Variants in FAM83B observed in about 807,000 individuals in gnomAD.
FAM83B encodes scaffolding CK1 anchoring protein B.
In FAM83B, 26 loss-of-function variants were observed where a neutral mutation model predicts 38.8. That is an observed-to-expected ratio of 0.67 (90% CI 0.49 to 0.93). The LOEUF (loss-of-function observed/expected upper bound fraction) is 0.93. FAM83B is among the 40% of genes least tolerant of loss of function. The pLI is 0.00. For missense variants in FAM83B, 1,237 were observed against 1,197.3 expected (o/e 1.03, Z -0.49); for synonymous variants, 419 against 423.1 (o/e 0.99, Z 0.12).
intron 2 of FAM83B, 44 bp downstream of exon 2, chr6:54,870,734 GA>G (rs1318585818): frequency 4.7e-6 from 7 of 1,490,058 alleles, no homozygotes; most frequent in Non-Finnish European, 6.3e-6. Flanking sequence ...GAAACATGTA[GA>G]AAAGTAGAGA....
chr6:54,938,292 C>T (rs1282208873), intron 4 of FAM83B, among the ~76,000 whole-genome samples: 1 of 152,136 alleles, frequency 6.6e-6, no homozygotes, highest in Non-Finnish European at 1.5e-5. Flanking sequence ...AGGCTGGTTT[C>T]ATATTTTTGC....
At position 54,940,994 on chromosome 6, in the gene FAM83B, T is replaced by G. The variant is rs1251155103; in HGVS notation, c.2023T>G (p.Leu675Val). The stretch of plus-strand genomic sequence containing the variant: ...GTTATTTGACAACTCAAAAGCCAAC[T>G]TAGATCCTGGAAATAGTAAGCATTA... The part of the protein sequence containing the change: ...FPLFDNSKAN[L>V]DPGNSKHYVY... Residue 675 changes from leucine to valine, a missense_variant, in exon 5 of 5, where the codon TTA (leucine) becomes GTA (valine). Leu to Val is a conservative substitution (Grantham distance 32). Transcript: ENST00000306858. 6.2e-7 allele frequency: 1 copy of G among 1,613,948 alleles called. No homozygotes were observed. Among genetic ancestry groups the G allele is most frequent in the Admixed American group, 1.7e-5 (1 of 59,962 alleles).
chr6:54,920,534 T>C (rs1773144495), intron 2 of FAM83B, among the ~76,000 whole-genome samples: 1 of 151,912 alleles, frequency 6.6e-6, no homozygotes, highest in Admixed American at 6.6e-5. Context: ...CAAAAGCATA[T>C]TGCTAATAGC....
At position 54,940,527 on chromosome 6, in the gene FAM83B, G is replaced by A. The variant is rs749945909; in HGVS notation, c.1556G>A (p.Arg519Gln). 9.9e-6 allele frequency: 16 copies of A among 1,613,908 alleles called. No homozygotes were observed. Among genetic ancestry groups the A allele is most frequent in the Admixed American group, 1.7e-5 (1 of 59,958 alleles). ...TCAAATGGATCAGCTTTAGGTGACC[G>A]ATTTGAGGGCTATGATAATCCTGAG... The part of the protein sequence containing the change: ...PDSNGSALGD[R>Q]FEGYDNPENL... Residue 519 changes from arginine to glutamine, a missense_variant, in exon 5 of 5, where the codon CGA becomes CAA. Coordinates refer to ENST00000306858, the MANE Select transcript of FAM83B (RefSeq NM_001010872.3).
At chr6:54,873,348 C>A (rs62412657) in intron 2 of FAM83B, among the ~76,000 whole-genome samples, 1 of 151,912 alleles carries the variant, frequency 6.6e-6, no homozygotes. Context: ...AGTTATTGAC[C>A]CCATTTTTAA....
intron 2 of FAM83B, among the ~76,000 whole-genome samples, chr6:54,894,896 C>T (rs1772496051): frequency 6.6e-6 from 1 of 152,216 alleles, no homozygotes; most frequent in Admixed American, 6.5e-5. Flanking sequence ...AATCTCAGCT[C>T]TACCACTTAG....
chr6:54,848,247 C>A (rs1771188566), intron 1 of FAM83B, among the ~76,000 whole-genome samples: 2 of 152,154 alleles, frequency 1.3e-5, no homozygotes, highest in Admixed American at 6.5e-5. Flanking sequence ...AAGTAGAAGT[C>A]CCCACACCTT....
chr6:54,869,907 G>A (rs1395545319), intron 1 of FAM83B, among the ~76,000 whole-genome samples: 1 of 152,064 alleles, frequency 6.6e-6, no homozygotes, highest in Non-Finnish European at 1.5e-5. Flanking sequence ...TTAATGGCTG[G>A]GTAGGCATTG....
chr6:54,939,618 AT>A, intron 4 of FAM83B, 87 bp from the exon 5 acceptor site: 17 of 1,223,434 alleles, frequency 1.4e-5, no homozygotes, highest in Non-Finnish European at 1.5e-5. Flanking sequence ...GTACAAAAAC[AT>A]AGTCATTAAG....
intron 2 of FAM83B, among the ~76,000 whole-genome samples, chr6:54,923,506 A>G (rs939281063): frequency 1.3e-5 from 2 of 152,112 alleles, no homozygotes; most frequent in Non-Finnish European, 2.9e-5. Context: ...GTTGAAGAAT[A>G]ACTCACAACC....
At chr6:54,874,428 A>G (rs1771941339) in intron 2 of FAM83B, among the ~76,000 whole-genome samples, 1 of 152,084 alleles carries the variant, frequency 6.6e-6, no homozygotes. Flanking sequence ...TTTGTGATTG[A>G]CATAATTACA....
chr6:54,894,503 A>C (rs1772473800), intron 2 of FAM83B, among the ~76,000 whole-genome samples: 1 of 152,212 alleles, frequency 6.6e-6, no homozygotes, highest in African/African-American at 2.4e-5. Flanking sequence ...CAAAATGTAC[A>C]AATAAGTCTA....
chr6:54,926,943 C>T (rs1773303002), intron 3 of FAM83B, among the ~76,000 whole-genome samples: 1 of 152,100 alleles, frequency 6.6e-6, no homozygotes, highest in Non-Finnish European at 1.5e-5. Flanking sequence ...CCATCTTGGC[C>T]AGGCTGGTCT....
chr6:54,904,280 C>T (rs1313567728), intron 2 of FAM83B, among the ~76,000 whole-genome samples: 1 of 152,076 alleles, frequency 6.6e-6, no homozygotes, highest in Admixed American at 6.6e-5. Flanking sequence ...AGGCAGTTAT[C>T]AAGTCCATCT....
intron 2 of FAM83B, among the ~76,000 whole-genome samples, chr6:54,892,210 A>G (rs769281057): frequency 1.8e-4 from 27 of 152,024 alleles, no homozygotes; most frequent in Non-Finnish European, 3.5e-4. Context: ...CCCTCACTTC[A>G]TCCAACAACC....
At chr6:54,884,035 G>A (rs1256934772) in intron 2 of FAM83B, among the ~76,000 whole-genome samples, 1 of 152,092 alleles carries the variant, frequency 6.6e-6, no homozygotes, top group Non-Finnish European at 1.5e-5. Flanking sequence ...CAGGCATGGT[G>A]ACTCACGCCT....
intron 2 of FAM83B, among the ~76,000 whole-genome samples, chr6:54,898,091 T>C (rs1772579798): frequency 6.6e-6 from 1 of 152,202 alleles, no homozygotes; most frequent in Non-Finnish European, 1.5e-5. Context: ...AATGATACAT[T>C]ATTCCTCCCC....
intron 3 of FAM83B, 102 bp downstream of exon 3, chr6:54,926,637 A>G: frequency 1.4e-6 from 1 of 704,732 alleles, no homozygotes; most frequent in Non-Finnish European, 2.1e-6. Context: ...ACTGAAAAAC[A>G]AAAAAAAATA....
At chr6:54,910,959 C>A (rs530349435) in intron 2 of FAM83B, among the ~76,000 whole-genome samples, 55 of 152,044 alleles carry the variant, frequency 3.6e-4, no homozygotes, top group Non-Finnish European at 6.5e-4. Flanking sequence ...CATACAATAT[C>A]ACATACCTAA....
Sources: gnomAD v4.1 joint callset for allele counts (sites outside exome capture counted in the v4.1 genomes callset) on GRCh38, gnomAD v4.1.1 for gene constraint, MANE v1.5 for transcripts, NCBI Gene and HGNC (gene_info 2026-07-23, HGNC 2026-07-21) for gene names.